The following RELN variants were observed in gnomAD, a reference collection of about 807,000 sequenced individuals.
The protein encoded by RELN is reelin.
RELN carries 108 observed loss-of-function variants against 427.6 expected under a neutral mutation model. The ratio of observed to expected loss-of-function variants is 0.25; its 90% CI spans 0.22 to 0.30. The LOEUF is 0.30. Among genes scored for constraint, RELN ranks in the 10% least tolerant of loss-of-function variants. The pLI is 1.00. For missense variants in RELN, 3,715 were observed against 4,302.8 expected, an observed-to-expected ratio of 0.86 and a Z score of 3.82; for synonymous variants, 1,524 against 1,513.4, an observed-to-expected ratio of 1.01 and a Z score of -0.16.
intron 17 of RELN, among the ~76,000 whole-genome samples, chr7:103,638,073 T>A (rs984545537): frequency 1.2e-4 from 17 of 139,842 alleles, no homozygotes; most frequent in African/African-American, 4.8e-4. Flanking sequence ...AAAATATTTT[T>A]TAAAAAAAAC....
intron 43 of RELN, among the ~76,000 whole-genome samples, chr7:103,541,163 C>A (rs971234946): frequency 8.5e-5 from 13 of 152,100 alleles, no homozygotes; most frequent in Admixed American, 7.2e-4. Context: ...AGAATGGTGG[C>A]AGCCGGCCAG....
At position 103,989,375 on chromosome 7, in the gene RELN, GCCGC is replaced by G; in HGVS notation, c.-23_-20del. Reference sequence around the variant, plus strand: ...GCTCCATGCCGCCGCCGCCGCCGCCGCCGCCGCGCGCCCTACGCGCCGCTCGCTC... The same window carrying G: ...GCTCCATGCCGCCGCCGCCGCCGCCGCGCGCGCCCTACGCGCCGCTCGCTC... On this transcript the variant is annotated 5_prime_UTR_variant, in exon 1 of 65. Coordinates refer to ENST00000428762, the MANE Select transcript of RELN (RefSeq NM_005045.4). This position sits in a 1 kb window ranked among gnomAD's most constrained non-coding sequence, Gnocchi z 4.9. The G allele has an allele frequency of 7.0e-7, 1 of 1,435,904 alleles. No homozygotes were observed. Among genetic ancestry groups the G allele is most frequent in the Non-Finnish European group, 9.1e-7 (1 of 1,102,604 alleles). The allele number at this position is 1,435,904 out of a possible 1,614,324, so 88.9% of individuals were successfully genotyped here. A position where few individuals can be genotyped will look rare whatever the true frequency, so the allele number is the denominator to read the frequency against.
In RELN at chr7:103,690,748, G is replaced by A. The variant is rs551452693; in HGVS notation, c.1143+7105C>T. 3.4e-3 allele frequency among the ~76,000 whole-genome samples: 510 copies of A among 152,138 alleles called. 2 individuals carry two copies. The highest frequency in any genetic ancestry group is 5.8e-3 in the South Asian group (28 of 4,818). On this transcript the variant is annotated intron_variant, in intron 10 of 64. Transcript: ENST00000428762. ...GAGGGTGGGGCTCTGGGGAGCTTTTGAACTTGTAGCACTATATTTATTGGT... is the reference window on the plus strand; with the variant it reads ...GAGGGTGGGGCTCTGGGGAGCTTTTAAACTTGTAGCACTATATTTATTGGT...
chr7:103,652,678 G>T lies in RELN; in HGVS notation c.1636C>A (p.Gln546Lys), dbSNP rs1832946170. The T allele has an allele frequency of 1.2e-6, 2 of 1,612,874 alleles. No homozygotes were observed. Among genetic ancestry groups the T allele is most frequent in the South Asian group, 2.2e-5 (2 of 91,066 alleles). Reference sequence around the variant, plus strand: ...GCCCAGACATTCCTATTATGTCCTTGATGGTTCTTTTGCCTGAGACAAAAT... The same window carrying T: ...GCCCAGACATTCCTATTATGTCCTTTATGGTTCTTTTGCCTGAGACAAAAT... ...TKFCLRQKNH[Q>K]GHNRNVWAVD... Residue 546 changes from glutamine to lysine, a missense_variant, in exon 14 of 65, where the codon CAA becomes AAA. Transcript: ENST00000428762.
At chr7:103,882,458 AT>A (rs200659081) in intron 2 of RELN, among the ~76,000 whole-genome samples, 1 of 151,688 alleles carries the variant, frequency 6.6e-6, no homozygotes, top group African/African-American at 2.4e-5. Context: ...GGGTCCGTAA[AT>A]TTTTTTTTAT....
At chr7:103,637,706 T>A (rs982240552) in intron 17 of RELN, among the ~76,000 whole-genome samples, 2 of 152,228 alleles carry the variant, frequency 1.3e-5, no homozygotes, top group African/African-American at 2.4e-5. Flanking sequence ...ACATGTTGTC[T>A]AATGGACTTA....
At chr7:103,623,229 C>T (rs2058381) in intron 20 of RELN, among the ~76,000 whole-genome samples, 54,913 of 152,094 alleles carry the variant, frequency 0.36, 10,737 homozygotes, top group African/African-American at 0.52. Flanking sequence ...GAAATGGTCG[C>T]TGAGGTGGCT....
chr7:103,547,099 G>A (rs957401180), intron 41 of RELN, among the ~76,000 whole-genome samples: 1 of 152,154 alleles, frequency 6.6e-6, no homozygotes, highest in Non-Finnish European at 1.5e-5. Flanking sequence ...GAGATGACAT[G>A]TGCACTTATT....
rs1003995846 is a variant in RELN at position 103,988,643 on chromosome 7, C to A, written c.226+488G>T. Reference sequence around the variant, plus strand: ...TGGTGAGCAGCGGGAACTTTGCGGTCGAGCGGCGCGGGGCAGCCACAGACC... The same window carrying A: ...TGGTGAGCAGCGGGAACTTTGCGGTAGAGCGGCGCGGGGCAGCCACAGACC... On this transcript the variant is annotated intron_variant, in intron 1 of 64. Transcript: ENST00000428762. The surrounding 1 kb of genome is among the most constrained non-coding windows in gnomAD (Gnocchi z 4.9). Among the ~76,000 whole-genome samples, 6 of 152,156 alleles carry A rather than the reference C, an allele frequency of 3.9e-5. No homozygotes were observed. Among genetic ancestry groups the A allele is most frequent in the Admixed American group, 3.9e-4 (6 of 15,274 alleles).
chr7:103,479,872 TTTTC>T (rs1329177909), intron 63 of RELN, among the ~76,000 whole-genome samples: 5 of 152,278 alleles, frequency 3.3e-5, no homozygotes, highest in South Asian at 2.1e-4. Context: ...TGACCATAAT[TTTTC>T]TTTCTAAGGG....
chr7:103,754,552 T>A (rs1791086055), intron 4 of RELN, among the ~76,000 whole-genome samples: 1 of 151,776 alleles, frequency 6.6e-6, no homozygotes, highest in African/African-American at 2.4e-5. Flanking sequence ...GCAAGAGGAT[T>A]ACTTGAGGCC....
Position 103,697,791 on chromosome 7 carries a change from G to C in RELN, c.1143+62C>G, listed in dbSNP as rs921108347. 8 of 1,610,592 alleles carry C rather than the reference G, an allele frequency of 5.0e-6. No homozygotes were observed. In the African/African-American group the frequency reaches 1.1e-4, roughly 22 times the overall value. On this transcript the variant is annotated intron_variant, in intron 10 of 64. Transcript: ENST00000428762. ...ATCTTTATACAATTTGGTTTATTGA[G>C]CTTCACTTTTAGAAAGGAGATGAAG... is the stretch of plus-strand genomic sequence containing the variant.
chr7:103,550,911 C>T (rs997414991), intron 41 of RELN, among the ~76,000 whole-genome samples, 156 bp downstream of exon 41: 6 of 152,122 alleles, frequency 3.9e-5, no homozygotes, highest in Admixed American at 2.0e-4. Flanking sequence ...ATGTCAGCTC[C>T]GTGTCCTACA....
At position 103,569,375 on chromosome 7, in the gene RELN, G is replaced by A. The variant is rs542343832; in HGVS notation, c.4589-2616C>T. ...TGACTGCAACCTCACCAGAGACCCT[G>A]GGCCAGAACCATTTAGCTAAGCTGC... On this transcript the variant is annotated intron_variant, in intron 31 of 64. Transcript: ENST00000428762. The surrounding 1 kb of genome is among the most constrained non-coding windows in gnomAD (Gnocchi z 4.0). Among the ~76,000 whole-genome samples the A allele has an allele frequency of 6.6e-6, 1 of 152,290 alleles. No individual in the cohort carries two copies. Among genetic ancestry groups the A allele is most frequent in the African/African-American group, 2.4e-5 (1 of 41,566 alleles).
Position 103,561,686 on chromosome 7 carries a change from G to C in RELN, c.5375C>G (p.Pro1792Arg), listed in dbSNP as rs764360388. The C allele has an allele frequency of 1.2e-5, 20 of 1,613,700 alleles. No individual in the cohort carries two copies. The highest frequency in any genetic ancestry group is 8.5e-7 in the Non-Finnish European group (1 of 1,179,948). Reference protein sequence around the residue: ...RCVCDRGFGGPYCVPVVPLPS... With the variant: ...RCVCDRGFGGRYCVPVVPLPS... The stretch of plus-strand genomic sequence containing the variant: ...CAGAGGAACAACAGGAACACAATAG[G>C]GTCCACCAAAGCCCCGGTCACACCT... Residue 1792 changes from proline to arginine, a missense_variant, in exon 36 of 65, where the codon CCC (proline) becomes CGC (arginine). Around this residue, in one of 4 missense-constraint regions of RELN, gnomAD observed 2,208 missense variants for 2,361.7 expected, o/e 0.93. Coordinates refer to ENST00000428762, the MANE Select transcript of RELN (RefSeq NM_005045.4).
chr7:103,501,239 G>GATTATGGTCAATTTATGATA (rs1336120413), intron 52 of RELN, among the ~76,000 whole-genome samples: 1 of 152,148 alleles, frequency 6.6e-6, no homozygotes, highest in Non-Finnish European at 1.5e-5. Flanking sequence ...GGTTTCTTCT[G>GATTATGGTCAATTTATGATA]AATTGGAGTT....
intron 1 of RELN, among the ~76,000 whole-genome samples, chr7:103,935,984 C>T (rs1259601821): frequency 6.6e-6 from 1 of 152,162 alleles, no homozygotes; most frequent in African/African-American, 2.4e-5. Flanking sequence ...CAACCACACC[C>T]ATTCCTAATA....
intron 8 of RELN, among the ~76,000 whole-genome samples, chr7:103,708,086 A>G (rs911162649): frequency 6.6e-6 from 1 of 152,202 alleles, no homozygotes; most frequent in African/African-American, 2.4e-5. Context: ...TAAAATTACA[A>G]CTGAAATAGG....
chr7:103,594,575 A>G (rs1831495209), intron 25 of RELN, 83 bp from the exon 26 acceptor site: 4 of 1,416,786 alleles, frequency 2.8e-6, no homozygotes, highest in Non-Finnish European at 4.0e-6. Flanking sequence ...CAAGGGTAAC[A>G]ACAAGAGAAA....
Sources: gnomAD v4.1 joint callset for allele counts (sites outside exome capture counted in the v4.1 genomes callset) on GRCh38, gnomAD v4.1.1 for gene constraint, gnomAD v4.1.1 regional missense constraint, Gnocchi (gnomAD v3.1) non-coding constraint, MANE v1.5 for transcripts, NCBI Gene and HGNC (gene_info 2026-07-23, HGNC 2026-07-21) for gene names.